Variants in EXOC6B observed in about 807,000 individuals in gnomAD.
EXOC6B encodes SEC15 homolog B.
A neutral mutation model predicts 113.5 loss-of-function variants in EXOC6B; 54 were observed. The ratio of observed to expected loss-of-function variants is 0.48; its 90% CI spans 0.38 to 0.60. The LOEUF (loss-of-function observed/expected upper bound fraction) is 0.60. EXOC6B is among the 20% of genes least tolerant of loss of function. The pLI is 0.00. For missense variants in EXOC6B, 797 were observed against 977.5 expected (o/e 0.82, Z 2.46); for synonymous variants, 357 against 339.0 (o/e 1.05, Z -0.58).
At position 72,285,790 on chromosome 2, in the gene EXOC6B, TA is replaced by T. The variant is rs371272096; in HGVS notation, c.2196+49156del. Among the ~76,000 whole-genome samples the T allele has an allele frequency of 3.8e-4, 58 of 151,680 alleles. No homozygotes were observed. The East Asian group carries it at 9.7e-3, about 25-fold the overall frequency. ...TACAAAGAATTTTTAAAGTGCACAA[TA>T]AAAAAACAAACAATCCAATTAAAAA... On this transcript the variant is annotated intron_variant, in intron 20 of 21. Coordinates refer to ENST00000272427, the MANE Select transcript of EXOC6B (RefSeq NM_015189.3).
rs1398057234 is a variant in EXOC6B at position 72,446,957 on chromosome 2, C to G, written c.1980+18203G>C. Among the ~76,000 whole-genome samples, 4 of 152,120 alleles carry G rather than the reference C, an allele frequency of 2.6e-5. No homozygotes were observed. In the East Asian group the frequency reaches 5.8e-4, roughly 22 times the overall value. On this transcript the variant is annotated intron_variant, in intron 18 of 21. Transcript: ENST00000272427. ...TCTACTAAAAATACAAAAAAATTAG[C>G]TGGGCGTGGTGGTGCACATGTCTGT...
intron 18 of EXOC6B, among the ~76,000 whole-genome samples, chr2:72,415,135 T>C (rs947396683): frequency 6.6e-6 from 1 of 152,182 alleles, no homozygotes; most frequent in Non-Finnish European, 1.5e-5. Context: ...CCCTGAGGGA[T>C]CCTTAAGACT....
At chr2:72,575,938 G>C (rs1253096321) in intron 6 of EXOC6B, among the ~76,000 whole-genome samples, 1 of 152,026 alleles carries the variant, frequency 6.6e-6, no homozygotes, top group South Asian at 2.1e-4. Flanking sequence ...ACAGAAAACA[G>C]ATAATCAGTC....
At chr2:72,303,854 G>T (rs757191592) in intron 20 of EXOC6B, among the ~76,000 whole-genome samples, 2 of 152,222 alleles carry the variant, frequency 1.3e-5, no homozygotes, top group African/African-American at 2.4e-5. Context: ...GATTGAAGTG[G>T]TCAGGCAGGG....
intron 5 of EXOC6B, among the ~76,000 whole-genome samples, chr2:72,722,696 G>C (rs1680084081): frequency 6.6e-6 from 1 of 152,166 alleles, no homozygotes; most frequent in Admixed American, 6.5e-5. Flanking sequence ...GGTATGAAGA[G>C]CTATGTGCAA....
At chr2:72,421,205 A>T (rs1386475306) in intron 18 of EXOC6B, among the ~76,000 whole-genome samples, 1 of 152,096 alleles carries the variant, frequency 6.6e-6, no homozygotes, top group East Asian at 1.9e-4. Context: ...CACTGTGATG[A>T]TAGTTTCTTT....
chr2:72,302,833 TTA>T (rs1192547852), intron 20 of EXOC6B, among the ~76,000 whole-genome samples: 1 of 151,944 alleles, frequency 6.6e-6, no homozygotes, highest in African/African-American at 2.4e-5. Context: ...TTTACATTTT[TTA>T]TATGTGTGGA....
intron 7 of EXOC6B, among the ~76,000 whole-genome samples, chr2:72,574,201 A>T (rs6747378): frequency 1.3e-5 from 2 of 151,696 alleles, no homozygotes; most frequent in Admixed American, 1.3e-4. Context: ...ACATAAAAAT[A>T]ACATCTTTAT....
intron 6 of EXOC6B, among the ~76,000 whole-genome samples, chr2:72,620,256 G>A (rs190196372): frequency 4.6e-5 from 7 of 152,266 alleles, no homozygotes; most frequent in Admixed American, 1.3e-4. Flanking sequence ...GCTGGAACCC[G>A]ACTTCAAGCC....
At chr2:72,718,981 G>T (rs763392919) in intron 5 of EXOC6B, among the ~76,000 whole-genome samples, 24 of 152,270 alleles carry the variant, frequency 1.6e-4, no homozygotes, top group Non-Finnish European at 2.5e-4. Context: ...TCTATCCAAA[G>T]AAAACAAATG....
At chr2:72,243,985 T>A (rs1010499556) in intron 20 of EXOC6B, among the ~76,000 whole-genome samples, 1 of 152,156 alleles carries the variant, frequency 6.6e-6, no homozygotes, top group African/African-American at 2.4e-5. Context: ...TTATCAGTAA[T>A]TGTCAGATCC....
At chr2:72,763,041 C>CA in intron 1 of EXOC6B, among the ~76,000 whole-genome samples, 1 of 150,504 alleles carries the variant, frequency 6.6e-6, no homozygotes, top group East Asian at 2.0e-4. Flanking sequence ...CAAAACAAAA[C>CA]AAAAAACACT....
chr2:72,807,370 A>T (rs532200526), intron 1 of EXOC6B, among the ~76,000 whole-genome samples: 2 of 152,124 alleles, frequency 1.3e-5, no homozygotes, highest in South Asian at 4.1e-4. Flanking sequence ...AGTCTGTTCC[A>T]TTTGTCTGTG....
chr2:72,244,717 T>G (rs913269890), intron 20 of EXOC6B, among the ~76,000 whole-genome samples: 1 of 152,036 alleles, frequency 6.6e-6, no homozygotes, highest in South Asian at 2.1e-4. Context: ...AAAGGGGCTA[T>G]CATGACTGAT....
In EXOC6B at chr2:72,183,405, C is replaced by T. The variant is rs982662727; in HGVS notation, c.2309+670G>A. On this transcript the variant is annotated intron_variant, in intron 21 of 21. Coordinates refer to ENST00000272427, the MANE Select transcript of EXOC6B (RefSeq NM_015189.3). Reference sequence around the variant, plus strand: ...GCTTCTGGGTGACATATTTGTTAGCCCTGAGATTTCCTGGAGCTGCCTAAC... The same window carrying T: ...GCTTCTGGGTGACATATTTGTTAGCTCTGAGATTTCCTGGAGCTGCCTAAC... Among the ~76,000 whole-genome samples, 5 of 152,160 alleles carry T rather than the reference C, an allele frequency of 3.3e-5. No individual in the cohort carries two copies. In the South Asian group the frequency reaches 6.2e-4, roughly 19 times the overall value.
intron 8 of EXOC6B, among the ~76,000 whole-genome samples, chr2:72,551,290 C>A (rs1253584263): frequency 6.6e-6 from 1 of 151,418 alleles, no homozygotes; most frequent in Non-Finnish European, 1.5e-5. Context: ...CTCCGCATCC[C>A]GGGTTCAAGC....
At chr2:72,508,494 G>A (rs939531415) in intron 11 of EXOC6B, among the ~76,000 whole-genome samples, 6 of 152,100 alleles carry the variant, frequency 3.9e-5, no homozygotes, top group Admixed American at 2.6e-4. Flanking sequence ...TAAGCCGGCC[G>A]GGCATAGTGG....
chr2:72,220,195 G>C (rs550680077), intron 20 of EXOC6B, among the ~76,000 whole-genome samples: 1 of 152,156 alleles, frequency 6.6e-6, no homozygotes, highest in Non-Finnish European at 1.5e-5. Context: ...GCTGGCATTC[G>C]TATTTTCCAG....
At chr2:72,469,755 G>C (rs1698280658) in intron 17 of EXOC6B, among the ~76,000 whole-genome samples, 1 of 151,942 alleles carries the variant, frequency 6.6e-6, no homozygotes, top group African/African-American at 2.4e-5. Context: ...ATGTCCATTA[G>C]ATTCACTTGA....
Sources: allele counts gnomAD v4.1 joint callset (sites outside exome capture counted in the v4.1 genomes callset), GRCh38; gene constraint gnomAD v4.1.1; transcripts MANE v1.5; gene names NCBI Gene and HGNC (gene_info 2026-07-23, HGNC 2026-07-21).